KCNJ6: variants seen among roughly 807,000 people sequenced by gnomAD.
KCNJ6 encodes the protein potassium inwardly rectifying channel subfamily J member 6.
A neutral mutation model predicts 34.2 loss-of-function variants in KCNJ6; 9 were observed. The ratio of observed to expected loss-of-function variants is 0.26; its 90% CI spans 0.16 to 0.46. The LOEUF is 0.46. KCNJ6 is among the 20% of genes least tolerant of loss of function. The pLI, the probability that KCNJ6 is intolerant of heterozygous loss-of-function variation, is 1.00. For missense variants in KCNJ6, 236 were observed against 531.3 expected, an observed-to-expected ratio of 0.44 and a Z score of 5.46; for synonymous variants, 196 against 207.1, an observed-to-expected ratio of 0.95 and a Z score of 0.46.
In KCNJ6 at chr21:37,833,383, AAC is replaced by A. The variant is rs150322537; in HGVS notation, c.25+7273_25+7274del. ...CTGGTGACCATACATCCTCCTTCCA[AAC>A]ACAGAGTGGAATTGTGCCCCCTTCA... On this transcript the variant is annotated intron_variant, in intron 2 of 3. Coordinates refer to ENST00000609713, the MANE Select transcript of KCNJ6 (RefSeq NM_002240.5). 1.6e-3 allele frequency among the ~76,000 whole-genome samples: 244 copies of A among 152,138 alleles called. 7 individuals carry two copies. In the East Asian group the frequency reaches 0.041, roughly 25 times the overall value.
At chr21:37,652,044 A>AT (rs2054436230) in intron 3 of KCNJ6, among the ~76,000 whole-genome samples, 1 of 152,154 alleles carries the variant, frequency 6.6e-6, no homozygotes, top group Admixed American at 6.6e-5. Flanking sequence ...AGAATTGGAG[A>AT]TAGAATAGAG....
intron 1 of KCNJ6, among the ~76,000 whole-genome samples, chr21:37,868,758 T>G (rs1197900155): frequency 6.6e-6 from 1 of 152,168 alleles, no homozygotes; most frequent in Non-Finnish European, 1.5e-5. Flanking sequence ...CTAAGCAGAA[T>G]TACAAAGGGC....
intron 2 of KCNJ6, among the ~76,000 whole-genome samples, chr21:37,811,803 C>G (rs765633630): frequency 6.6e-6 from 1 of 151,958 alleles, no homozygotes; most frequent in African/African-American, 2.4e-5. Context: ...CAGAAAGCAA[C>G]GAATTCTGCA....
intron 2 of KCNJ6, among the ~76,000 whole-genome samples, chr21:37,726,630 T>A (rs555117412): frequency 6.6e-6 from 1 of 152,228 alleles, no homozygotes; most frequent in South Asian, 2.1e-4. Context: ...AAAGAATGAA[T>A]GTTCTCCAAA....
At chr21:37,846,353 C>CCG (rs1313522944) in intron 1 of KCNJ6, among the ~76,000 whole-genome samples, 1 of 144,960 alleles carries the variant, frequency 6.9e-6, no homozygotes, top group Non-Finnish European at 1.5e-5. Context: ...CTGAGACACT[C>CCG]TGTGTGTGTG....
chr21:37,661,700 G>A (rs936309390), intron 3 of KCNJ6, among the ~76,000 whole-genome samples: 3 of 135,500 alleles, frequency 2.2e-5, no homozygotes, highest in Admixed American at 1.7e-4. Flanking sequence ...CTCGCTCACT[G>A]CAAGCTCCGC....
At chr21:37,637,868 G>C (rs2054364993) in intron 3 of KCNJ6, among the ~76,000 whole-genome samples, 1 of 152,210 alleles carries the variant, frequency 6.6e-6, no homozygotes, top group Non-Finnish European at 1.5e-5. Context: ...CAAGAAGGTG[G>C]TTGTCCTACA....
At chr21:37,752,353 G>T (rs2055000325) in intron 2 of KCNJ6, among the ~76,000 whole-genome samples, 1 of 152,142 alleles carries the variant, frequency 6.6e-6, no homozygotes, top group African/African-American at 2.4e-5. Flanking sequence ...AGCATCCTAG[G>T]AGGTGGTCTG....
chr21:37,687,357 T>C (rs1335540896), intron 3 of KCNJ6, among the ~76,000 whole-genome samples: 2 of 152,220 alleles, frequency 1.3e-5, no homozygotes, highest in East Asian at 3.9e-4. Flanking sequence ...CAGAAATCTT[T>C]CTAAACTGTG....
intron 3 of KCNJ6, among the ~76,000 whole-genome samples, chr21:37,681,952 C>G (rs1204741245): frequency 2.6e-5 from 4 of 152,174 alleles, no homozygotes; most frequent in Non-Finnish European, 5.9e-5. Flanking sequence ...ACCAGCTGCC[C>G]TATTTCTTCA....
chr21:37,681,028 G>A (rs2054588254), intron 3 of KCNJ6, among the ~76,000 whole-genome samples: 1 of 152,208 alleles, frequency 6.6e-6, no homozygotes, highest in Non-Finnish European at 1.5e-5. Flanking sequence ...CAGTAGCTCT[G>A]CAGAGGTTCC....
rs61218477 is a variant in KCNJ6 at position 37,778,696 on chromosome 21, CGT to C, written c.25+61960_25+61961del. ...ATTGTGTGTATCCGTGTGCTGTGTG[CGT>C]GTGTGTGTGTGTGTGTGTGTGTGTT... On this transcript the variant is annotated intron_variant, in intron 2 of 3. Coordinates refer to ENST00000609713, the MANE Select transcript of KCNJ6 (RefSeq NM_002240.5). 4.8e-3 allele frequency among the ~76,000 whole-genome samples: 695 copies of C among 146,018 alleles called. 2 individuals carry two copies. The highest frequency in any genetic ancestry group is 0.028 in the Middle Eastern group (8 of 290).
intron 2 of KCNJ6, among the ~76,000 whole-genome samples, chr21:37,798,673 C>A (rs2055254888): frequency 6.6e-6 from 1 of 152,156 alleles, no homozygotes; most frequent in Admixed American, 6.6e-5. Flanking sequence ...ATAGGAAAGA[C>A]CATAGATGGT....
At chr21:37,725,559 T>A (rs1225744452) in intron 2 of KCNJ6, among the ~76,000 whole-genome samples, 2 of 152,240 alleles carry the variant, frequency 1.3e-5, no homozygotes, top group Non-Finnish European at 2.9e-5. Flanking sequence ...TTCATACTTG[T>A]ATGTATTATG....
chr21:37,735,687 T>C (rs988441666), intron 2 of KCNJ6, among the ~76,000 whole-genome samples: 12 of 152,152 alleles, frequency 7.9e-5, no homozygotes, highest in Admixed American at 5.2e-4. Flanking sequence ...GTGACTTTGC[T>C]TGGTGGAAAC....
rs1210290785 is a variant in KCNJ6, at chr21:37,622,476, T to G, written c.*2683A>C. 6.6e-6 allele frequency: 1 copy of G among 152,134 alleles called. No homozygotes were observed. The highest frequency in any genetic ancestry group is 1.5e-5 in the Non-Finnish European group (1 of 67,958). 9.4% of individuals were successfully genotyped at this position (152,134 alleles called of 1,614,324 possible). A position where few individuals can be genotyped will look rare whatever the true frequency, so the allele number is the denominator to read the frequency against. ...TGACACAAAATACACTGTTAAACTG[T>G]GTTAACAACTGTAGAAAAATAGACA... is the stretch of plus-strand genomic sequence containing the variant. On this transcript the variant is annotated 3_prime_UTR_variant, in exon 4 of 4. Coordinates refer to ENST00000609713, the MANE Select transcript of KCNJ6 (RefSeq NM_002240.5).
rs141183506 is a variant in KCNJ6 at position 37,653,872 on chromosome 21, TA to T, written c.947-28389del. 7.1e-3 allele frequency among the ~76,000 whole-genome samples: 1,089 copies of T among 152,314 alleles called. 9 individuals carry two copies. Among genetic ancestry groups the T allele is most frequent in the African/African-American group, 0.025 (1,038 of 41,570 alleles). On this transcript the variant is annotated intron_variant, in intron 3 of 3. Transcript: ENST00000609713. The stretch of plus-strand genomic sequence containing the variant: ...AGAAAGTTAGAGATGCATTCTTAGT[TA>T]GGGCAACCTCTAGAAAAATGGAGTG...
At position 37,681,282 on chromosome 21, in the gene KCNJ6, A is replaced by G. The variant is rs541962553; in HGVS notation, c.946+32929T>C. 2.6e-5 allele frequency among the ~76,000 whole-genome samples: 4 copies of G among 152,384 alleles called. No individual in the cohort carries two copies. The East Asian group carries it at 5.8e-4, about 22-fold the overall frequency. On this transcript the variant is annotated intron_variant, in intron 3 of 3. Transcript: ENST00000609713. Reference sequence around the variant, plus strand: ...GTGTTGCCTTACTTGGCATTTGCCAATTGATGCTGACAACTTGAAACTCTC... The same window carrying G: ...GTGTTGCCTTACTTGGCATTTGCCAGTTGATGCTGACAACTTGAAACTCTC...
At chr21:37,698,879 A>G (rs1569447598) in intron 3 of KCNJ6, among the ~76,000 whole-genome samples, 1 of 151,950 alleles carries the variant, frequency 6.6e-6, no homozygotes, top group Non-Finnish European at 1.5e-5. Context: ...TTGTATTTTT[A>G]GTAGAGATGG....
Sources: gnomAD v4.1 joint callset for allele counts (sites outside exome capture counted in the v4.1 genomes callset) on GRCh38, gnomAD v4.1.1 for gene constraint, MANE v1.5 for transcripts, NCBI Gene and HGNC (gene_info 2026-07-23, HGNC 2026-07-21) for gene names.